The following ERAP1 variants were observed in gnomAD, a reference collection of about 807,000 sequenced individuals.
ERAP1 encodes endoplasmic reticulum aminopeptidase 1.
In ERAP1, 86 loss-of-function variants were observed where a neutral mutation model predicts 103.7. The ratio of observed to expected loss-of-function variants is 0.83; its 90% CI spans 0.70 to 0.99. The LOEUF (loss-of-function observed/expected upper bound fraction) is 0.99, where lower values mean the gene tolerates loss of function less well. Ranked by LOEUF, ERAP1 falls within the 50% of genes least tolerant of loss-of-function variation. The pLI is 0.00. For synonymous variants in ERAP1, 398 were observed against 402.4 expected, an observed-to-expected ratio of 0.99 and a Z score of 0.13; for missense variants, 1,009 against 1,128.4, an observed-to-expected ratio of 0.89 and a Z score of 1.52.
chr5:96,790,303 G>A lies in ERAP1; in HGVS notation c.1517C>T (p.Ser506Leu). Reference protein sequence around the residue: ...GFCSRSQHSSSSSHWHQEGVD... With the variant: ...GFCSRSQHSSLSSHWHQEGVD... ...ACAGATATAGAAACTTACTGAGGAT[G>A]AAGATGAATGTTGACTTCTAGAGCA... Residue 506 changes from serine to leucine, a missense_variant, in exon 10 of 19, where the codon TCA (serine) becomes TTA (leucine). Transcript: ENST00000443439. 6.2e-7 allele frequency: 1 copy of A among 1,613,960 alleles called. No individual in the cohort carries two copies. Among genetic ancestry groups the A allele is most frequent in the African/African-American group, 1.3e-5 (1 of 75,046 alleles).
chr5:96,879,598 C>T, the ERAP1 span: 1 of 990,710 alleles, frequency 1.0e-6, no homozygotes, highest in East Asian at 2.4e-5. Flanking sequence ...TGTTCAGACC[C>T]CATGTGACAT....
the ERAP1 span, among the ~76,000 whole-genome samples, chr5:96,925,418 C>G: frequency 6.6e-6 from 1 of 152,182 alleles, no homozygotes; most frequent in East Asian, 1.9e-4. Flanking sequence ...GGCCCAGGCT[C>G]TCACCTCAGT....
chr5:96,923,694 A>C, the ERAP1 span, among the ~76,000 whole-genome samples: 960 of 138,698 alleles, frequency 6.9e-3, 5 homozygotes, highest in African/African-American at 0.023. Flanking sequence ...ACTCTGTCTC[A>C]AAAAAAAAAA....
chr5:96,856,363 T>TAGAG, the ERAP1 span, among the ~76,000 whole-genome samples: 2 of 27,780 alleles, frequency 7.2e-5, no homozygotes, highest in African/African-American at 1.2e-4. Flanking sequence ...TATATATATA[T>TAGAG]ATAGAGAGAG....
At chr5:96,838,732 T>C in the ERAP1 span, among the ~76,000 whole-genome samples, 1 of 152,116 alleles carries the variant, frequency 6.6e-6, no homozygotes, top group Admixed American at 6.5e-5. Flanking sequence ...TGGAAAGGCC[T>C]CACAGAGGAA....
the ERAP1 span, among the ~76,000 whole-genome samples, chr5:96,819,815 G>A: frequency 0.66 from 100,436 of 152,062 alleles, 33,671 homozygotes; most frequent in Non-Finnish European, 0.72. Flanking sequence ...TTTTGTGAGT[G>A]AAGTCATTAT....
chr5:96,781,990 T>G (rs1775247939), intron 15 of ERAP1, 136 bp from the exon 16 acceptor site: 1 of 812,082 alleles, frequency 1.2e-6, no homozygotes, highest in Non-Finnish European at 2.0e-6. Flanking sequence ...CAAAAACTAC[T>G]GATTTCCTTC....
the ERAP1 span, among the ~76,000 whole-genome samples, chr5:96,884,334 G>A: frequency 6.6e-6 from 1 of 152,120 alleles, no homozygotes; most frequent in African/African-American, 2.4e-5. Flanking sequence ...GAGGTCTTGG[G>A]TTGAAGCTTG....
In ERAP1 at chr5:96,795,057, G is replaced by C; in HGVS notation, c.904C>G (p.Pro302Ala). Residue 302 changes from proline to alanine, a missense_variant, in exon 5 of 19, where the codon CCC becomes GCC. Pro to Ala is a conservative substitution (Grantham distance 27, BLOSUM62 -1). This residue lies in a region of ERAP1 where 392 missense variants were observed against 455.2 expected (regional missense o/e 0.86). Transcript: ENST00000443439. Reference protein sequence around the residue: ...FYEDYFSIPYPLPKQDLAAIP... With the variant: ...FYEDYFSIPYALPKQDLAAIP... ...AAATCTCTACCTTGTTTGGGTAGGG[G>C]ATACGGTATGCTGAAATAATCCTCA... 1 of 1,613,976 alleles carries C rather than the reference G, an allele frequency of 6.2e-7. No individual in the cohort carries two copies. Among genetic ancestry groups the C allele is most frequent in the Non-Finnish European group, 8.5e-7 (1 of 1,179,962 alleles).
At chr5:96,895,323 T>G in the ERAP1 span, 2 of 1,612,476 alleles carry the variant, frequency 1.2e-6, no homozygotes, top group Non-Finnish European at 1.7e-6. Context: ...ACATGGAACT[T>G]ATCGCTGTTA....
At chr5:96,794,587 A>G (rs1039626785) in intron 5 of ERAP1, among the ~76,000 whole-genome samples, 1 of 152,228 alleles carries the variant, frequency 6.6e-6, no homozygotes, top group African/African-American at 2.4e-5. Context: ...TTGGATGCCC[A>G]AGACCCACAT....
At chr5:96,789,681 G>A (rs1776506321) in intron 10 of ERAP1, among the ~76,000 whole-genome samples, 2 of 152,178 alleles carry the variant, frequency 1.3e-5, no homozygotes, top group Non-Finnish European at 2.9e-5. Flanking sequence ...CAGATGAACA[G>A]AGACTCAGGC....
chr5:96,919,061 TAGAA>T, the ERAP1 span: 3 of 152,224 alleles, frequency 2.0e-5, no homozygotes, highest in East Asian at 5.8e-4. Context: ...AGATAAGTTT[TAGAA>T]AGACTCAAAA....
At chr5:96,878,600 C>A in the ERAP1 span, among the ~76,000 whole-genome samples, 1 of 151,946 alleles carries the variant, frequency 6.6e-6, no homozygotes, top group South Asian at 2.1e-4. Context: ...TTGAGGCCAG[C>A]CTGGGCAACA....
At chr5:96,913,283 A>G in the ERAP1 span, 6 of 1,578,350 alleles carry the variant, frequency 3.8e-6, no homozygotes, top group Non-Finnish European at 5.2e-6. Context: ...CATAATACCT[A>G]CTATTTAGAA....
At chr5:96,869,092 G>C in the ERAP1 span, among the ~76,000 whole-genome samples, 2 of 151,366 alleles carry the variant, frequency 1.3e-5, no homozygotes, top group Non-Finnish European at 2.9e-5. Context: ...TGCTGCTTTT[G>C]CTTTCTTCGC....
chr5:96,844,573 C>T, the ERAP1 span, among the ~76,000 whole-genome samples: 17 of 152,136 alleles, frequency 1.1e-4, no homozygotes, highest in Non-Finnish European at 1.8e-4. Flanking sequence ...CAGTTACTTG[C>T]CCAAGCAAGT....
At chr5:96,933,391 C>A in the ERAP1 span, among the ~76,000 whole-genome samples, 1 of 151,806 alleles carries the variant, frequency 6.6e-6, no homozygotes, top group Non-Finnish European at 1.5e-5. Flanking sequence ...TGCCACCACT[C>A]CCGGCTAATT....
the ERAP1 span, among the ~76,000 whole-genome samples, chr5:96,869,905 A>G: frequency 6.6e-5 from 10 of 152,322 alleles, 1 homozygote; most frequent in Non-Finnish European, 1.2e-4. Context: ...CACAGTATGT[A>G]ATTGGACCAA....
Sources: gnomAD v4.1 joint callset for allele counts (sites outside exome capture counted in the v4.1 genomes callset) on GRCh38, gnomAD v4.1.1 for gene constraint, gnomAD v4.1.1 regional missense constraint, MANE v1.5 for transcripts, NCBI Gene and HGNC (gene_info 2026-07-23, HGNC 2026-07-21) for gene names.